SLC2A13: variants seen among roughly 807,000 people sequenced by gnomAD.
The protein encoded by SLC2A13 is proton myo-inositol cotransporter.
SLC2A13 carries 32 observed loss-of-function variants against 64.4 expected under a neutral mutation model. That is an observed-to-expected ratio of 0.50 (90% CI 0.37 to 0.67). The LOEUF (loss-of-function observed/expected upper bound fraction) is 0.67. SLC2A13 is among the 30% of genes least tolerant of loss of function. The pLI is 0.00. For synonymous variants in SLC2A13, 338 were observed against 327.1 expected, an observed-to-expected ratio of 1.03 and a Z score of -0.36; for missense variants, 743 against 829.2, an observed-to-expected ratio of 0.90 and a Z score of 1.28.
chr12:39,981,106 A>C (rs1166077321), intron 3 of SLC2A13, among the ~76,000 whole-genome samples: 1 of 151,782 alleles, frequency 6.6e-6, no homozygotes, highest in Non-Finnish European at 1.5e-5. Context: ...GGCAGAAATA[A>C]AGATGTTCTT....
intron 3 of SLC2A13, among the ~76,000 whole-genome samples, chr12:40,000,921 T>TA (rs1187082910): frequency 6.6e-6 from 1 of 152,018 alleles, no homozygotes; most frequent in Non-Finnish European, 1.5e-5. Context: ...CAGTAAACAC[T>TA]AAAAAAGGCT....
intron 1 of SLC2A13, among the ~76,000 whole-genome samples, chr12:40,086,674 G>T (rs1228656470): frequency 6.6e-6 from 1 of 152,190 alleles, no homozygotes; most frequent in African/African-American, 2.4e-5. Flanking sequence ...AACAAGACAT[G>T]CATTGTTGTC....
chr12:39,820,717 TTATATATATATATATATATATATATATA>T (rs11272834), intron 7 of SLC2A13, among the ~76,000 whole-genome samples: 111 of 132,726 alleles, frequency 8.4e-4, no homozygotes, highest in East Asian at 3.8e-3. Context: ...ATTTTTAAAT[TTATATATATATATATATATATATATATA>T]TATATATATA....
intron 7 of SLC2A13, among the ~76,000 whole-genome samples, chr12:39,824,603 G>A (rs191962784): frequency 6.6e-6 from 1 of 152,160 alleles, no homozygotes; most frequent in African/African-American, 2.4e-5. Flanking sequence ...TGAGGTGGAC[G>A]TGTCTCCTGG....
intron 6 of SLC2A13, among the ~76,000 whole-genome samples, chr12:39,831,477 G>A (rs940430804): frequency 2.0e-5 from 3 of 152,124 alleles, no homozygotes; most frequent in Admixed American, 2.0e-4. Context: ...AGACATACAA[G>A]TTGTCTGAAA....
intron 7 of SLC2A13, among the ~76,000 whole-genome samples, chr12:39,802,572 G>C (rs73272597): frequency 0.011 from 1,674 of 152,246 alleles, 27 homozygotes; most frequent in African/African-American, 0.038. Context: ...CACTGAAAGT[G>C]GGACACAAGA....
chr12:39,955,307 G>C (rs1225618176), intron 3 of SLC2A13, among the ~76,000 whole-genome samples: 2 of 152,086 alleles, frequency 1.3e-5, no homozygotes, highest in African/African-American at 4.8e-5. Flanking sequence ...TAAACACATA[G>C]CCTATAAAAA....
At chr12:40,087,927 T>A (rs1275950226) in intron 1 of SLC2A13, among the ~76,000 whole-genome samples, 1 of 152,232 alleles carries the variant, frequency 6.6e-6, no homozygotes, top group Non-Finnish European at 1.5e-5. Context: ...TAATTTATAC[T>A]GATTGTAAGT....
intron 4 of SLC2A13, among the ~76,000 whole-genome samples, chr12:39,896,447 T>C (rs933046593): frequency 6.7e-5 from 9 of 133,604 alleles, no homozygotes; most frequent in African/African-American, 2.6e-4. Flanking sequence ...CATATATGTA[T>C]ATGTGTGTAT....
At chr12:39,903,303 A>G (rs1945184683) in intron 4 of SLC2A13, among the ~76,000 whole-genome samples, 2 of 152,174 alleles carry the variant, frequency 1.3e-5, no homozygotes, top group African/African-American at 4.8e-5. Context: ...AAAATGCTAT[A>G]TCTGACAGAT....
At chr12:39,941,231 A>G in intron 4 of SLC2A13, among the ~76,000 whole-genome samples, 1 of 152,170 alleles carries the variant, frequency 6.6e-6, no homozygotes, top group Non-Finnish European at 1.5e-5. Context: ...TGCTATAAAC[A>G]TGCGTGTGCA....
Position 39,849,793 on chromosome 12 carries a change from A to G in SLC2A13, c.1319+14969T>C, listed in dbSNP as rs74237764. Among the ~76,000 whole-genome samples, 619 of 152,150 alleles carry G rather than the reference A, an allele frequency of 4.1e-3. 23 individuals are homozygous for G. The East Asian group carries it at 0.1, about 25-fold the overall frequency. ...GTTGTCTCTGTCTTTTAAGGCTTTA[A>G]TATTTCAAGGTCATAAAAATCCTAC... On this transcript the variant is annotated intron_variant, in intron 6 of 9. Transcript: ENST00000280871.
In SLC2A13 at chr12:40,055,479, C is replaced by G. The variant is rs1948320255; in HGVS notation, c.557-7269G>C. Among the ~76,000 whole-genome samples the G allele has an allele frequency of 2.0e-5, 3 of 152,294 alleles. No homozygotes were observed. In the South Asian group the frequency reaches 6.2e-4, roughly 32 times the overall value. ...CCTGTATCACGTTTGTCTCTCCAAGCAGGACTACAAGCCTGTTAATGGAAT... is the reference window on the plus strand; with the variant it reads ...CCTGTATCACGTTTGTCTCTCCAAGGAGGACTACAAGCCTGTTAATGGAAT... On this transcript the variant is annotated intron_variant, in intron 1 of 9. Transcript: ENST00000280871.
intron 4 of SLC2A13, among the ~76,000 whole-genome samples, chr12:39,934,215 A>T (rs952987222): frequency 6.6e-6 from 1 of 152,246 alleles, no homozygotes; most frequent in African/African-American, 2.4e-5. Context: ...AATGAAACTG[A>T]AGATTCTATG....
intron 4 of SLC2A13, among the ~76,000 whole-genome samples, chr12:39,875,181 G>A (rs1944151315): frequency 1.3e-5 from 2 of 152,146 alleles, no homozygotes; most frequent in Admixed American, 1.3e-4. Flanking sequence ...TCTCACTTGG[G>A]GGTCAAAAAT....
At chr12:39,920,817 C>T (rs1237418625) in intron 4 of SLC2A13, among the ~76,000 whole-genome samples, 3 of 152,098 alleles carry the variant, frequency 2.0e-5, no homozygotes, top group Non-Finnish European at 2.9e-5. Context: ...CCCACACACA[C>T]CTGACTAGAC....
At chr12:39,792,533 C>G (rs748078326) in intron 7 of SLC2A13, among the ~76,000 whole-genome samples, 9 of 152,076 alleles carry the variant, frequency 5.9e-5, no homozygotes, top group Non-Finnish European at 1.3e-4. Context: ...TTGTGACTAC[C>G]ATTTTGGGCA....
intron 3 of SLC2A13, among the ~76,000 whole-genome samples, chr12:39,964,837 T>C (rs1321543758): frequency 6.6e-6 from 1 of 152,170 alleles, no homozygotes; most frequent in East Asian, 1.9e-4. Flanking sequence ...TTAAACTCTT[T>C]CCATGAAAGC....
intron 4 of SLC2A13, among the ~76,000 whole-genome samples, chr12:39,928,217 T>G (rs542404107): frequency 6.6e-6 from 1 of 152,270 alleles, no homozygotes; most frequent in East Asian, 1.9e-4. Flanking sequence ...ACATCTTAAC[T>G]TCAAACAGCA....
Sources: gnomAD v4.1 joint callset for allele counts (sites outside exome capture counted in the v4.1 genomes callset) on GRCh38, gnomAD v4.1.1 for gene constraint, MANE v1.5 for transcripts, NCBI Gene and HGNC (gene_info 2026-07-23, HGNC 2026-07-21) for gene names.